Variants in ENTREP1 observed in about 807,000 individuals in gnomAD.
ENTREP1 encodes endosomal transmembrane epsin interactor 1, also known as Friedreich ataxia region gene X123.
the ENTREP1 span, among the ~76,000 whole-genome samples, chr9:69,360,601 A>T: frequency 6.6e-6 from 1 of 152,164 alleles, no homozygotes; most frequent in East Asian, 1.9e-4. Context: ...TCCCTCTTCC[A>T]TATATTCAAG....
chr9:69,371,450 GA>G, the ENTREP1 span: 1 of 1,238,194 alleles, frequency 8.1e-7, no homozygotes, highest in East Asian at 2.3e-5. Context: ...AACTCTGTCT[GA>G]ATTTAGCTGT....
chr9:69,370,824 A>G, the ENTREP1 span, among the ~76,000 whole-genome samples: 1 of 152,096 alleles, frequency 6.6e-6, no homozygotes, highest in South Asian at 2.1e-4. Flanking sequence ...TATTTGCAAT[A>G]AGATTTTGAT....
chr9:69,383,258 T>G, the ENTREP1 span: 6 of 671,636 alleles, frequency 8.9e-6, no homozygotes, highest in Non-Finnish European at 1.1e-5. Context: ...CATCTTTATC[T>G]AGTTCCAAAG....
the ENTREP1 span, among the ~76,000 whole-genome samples, chr9:69,343,797 G>T: frequency 6.6e-5 from 10 of 152,142 alleles, no homozygotes; most frequent in African/African-American, 2.2e-4. Flanking sequence ...AGCAAAATCA[G>T]TTGGGTGTTG....
At chr9:69,340,653 ATGTG>A in the ENTREP1 span, among the ~76,000 whole-genome samples, 1 of 98,740 alleles carries the variant, frequency 1.0e-5, no homozygotes, top group African/African-American at 3.8e-5. Context: ...GTGTGTGTGC[ATGTG>A]TGTGTGTGCG....
chr9:69,327,237 C>T, the ENTREP1 span, among the ~76,000 whole-genome samples: 1 of 152,066 alleles, frequency 6.6e-6, no homozygotes, highest in Admixed American at 6.5e-5. Flanking sequence ...AAACGCCACC[C>T]TGGTGGCTCT....
the ENTREP1 span, among the ~76,000 whole-genome samples, chr9:69,359,149 G>T: frequency 6.6e-6 from 1 of 151,800 alleles, no homozygotes; most frequent in African/African-American, 2.4e-5. Context: ...CAAGTGACCC[G>T]CCCGCCTCAG....
At chr9:69,391,895 A>G in the ENTREP1 span, 1 of 1,309,368 alleles carries the variant, frequency 7.6e-7, no homozygotes, top group Non-Finnish European at 1.1e-6. Context: ...CTCAAAAAAA[A>G]GGAGCACTCT....
At chr9:69,391,555 TG>T in the ENTREP1 span, 2 of 1,550,442 alleles carry the variant, frequency 1.3e-6, no homozygotes, top group East Asian at 2.3e-5. Flanking sequence ...GGGCCACATC[TG>T]GTAAAGCTTA....
At chr9:69,388,447 A>G in the ENTREP1 span, 2 of 1,587,388 alleles carry the variant, frequency 1.3e-6, no homozygotes, top group African/African-American at 2.7e-5. Context: ...GTTTTCTAGA[A>G]CAGGTAGTTT....
At chr9:69,340,809 GTGTA>G in the ENTREP1 span, among the ~76,000 whole-genome samples, 473 of 52,298 alleles carry the variant, frequency 9.0e-3, 8 homozygotes, top group African/African-American at 0.029. Flanking sequence ...GCATGTGTGT[GTGTA>G]TGTGTGTGTG....
the ENTREP1 span, among the ~76,000 whole-genome samples, chr9:69,368,851 A>G: frequency 6.6e-6 from 1 of 151,948 alleles, no homozygotes; most frequent in East Asian, 1.9e-4. Context: ...TTTTTAAATT[A>G]TACTTTAAGT....
the ENTREP1 span, among the ~76,000 whole-genome samples, chr9:69,373,000 C>G: frequency 1.3e-5 from 2 of 150,116 alleles, no homozygotes; most frequent in Non-Finnish European, 3.0e-5. Context: ...AATGTCTATA[C>G]AAGTCTTTTG....
the ENTREP1 span, among the ~76,000 whole-genome samples, chr9:69,372,558 A>G: frequency 2.0e-5 from 3 of 152,204 alleles, no homozygotes; most frequent in East Asian, 1.9e-4. Flanking sequence ...TTGTATATAC[A>G]TGATACCTTT....
the ENTREP1 span, among the ~76,000 whole-genome samples, chr9:69,348,509 C>T: frequency 9.2e-4 from 140 of 152,258 alleles, 4 homozygotes; most frequent in South Asian, 0.028. Flanking sequence ...TTAGCCTATT[C>T]CCAGATCTAT....
At chr9:69,377,860 A>C in the ENTREP1 span, 4 of 1,234,038 alleles carry the variant, frequency 3.2e-6, no homozygotes, top group Non-Finnish European at 4.4e-6. Flanking sequence ...GAAAAAGAAA[A>C]ATTTTTCCTG....
chr9:69,326,155 G>T, the ENTREP1 span, among the ~76,000 whole-genome samples: 13,850 of 152,180 alleles, frequency 0.091, 1,282 homozygotes, highest in African/African-American at 0.24. Context: ...CTGGCACATA[G>T]TAGGTGTATT....
At chr9:69,344,214 C>T in the ENTREP1 span, among the ~76,000 whole-genome samples, 1 of 152,216 alleles carries the variant, frequency 6.6e-6, no homozygotes, top group Non-Finnish European at 1.5e-5. Context: ...TCTTAAAATT[C>T]ATGTGTTGTC....
At chr9:69,388,237 CT>C in the ENTREP1 span, 1 of 1,614,170 alleles carries the variant, frequency 6.2e-7, no homozygotes, top group Non-Finnish European at 8.5e-7. Flanking sequence ...TGAGGAGAGG[CT>C]TGAGATCTAG....
Sources: gnomAD v4.1 joint callset for allele counts (sites outside exome capture counted in the v4.1 genomes callset) on GRCh38, gnomAD v4.1.1 for gene constraint, MANE v1.5 for transcripts, NCBI Gene and HGNC (gene_info 2026-07-23, HGNC 2026-07-21) for gene names.